Variants in ANO4 observed in about 807,000 individuals in gnomAD.
The protein encoded by ANO4 is anoctamin-4.
In ANO4, 69 loss-of-function variants were observed where a neutral mutation model predicts 141.9. The observed-to-expected ratio is 0.49, with a 90% confidence interval of 0.40 to 0.59. The LOEUF is 0.59. Ranked by LOEUF, ANO4 falls within the 20% of genes least tolerant of loss-of-function variation. The pLI, the probability that ANO4 is intolerant of heterozygous loss-of-function variation, is 0.00. For synonymous variants in ANO4, 350 were observed against 394.3 expected (o/e 0.89, Z 1.33); for missense variants, 894 against 1,162.2 (o/e 0.77, Z 3.36).
chr12:100,793,437 G>A (rs1593341953), upstream of ANO4, among the ~76,000 whole-genome samples: 1 of 152,186 alleles, frequency 6.6e-6, no homozygotes, highest in South Asian at 2.1e-4. Flanking sequence ...TTCCTTTTAA[G>A]CTGTGGTATT....
At chr12:101,041,886 T>C (rs2047424082) in intron 11 of ANO4, among the ~76,000 whole-genome samples, 1 of 152,122 alleles carries the variant, frequency 6.6e-6, no homozygotes, top group African/African-American at 2.4e-5. Context: ...AAGCCTTGAG[T>C]AGAATGAAAG....
intron 3 of ANO4, among the ~76,000 whole-genome samples, chr12:100,742,977 A>C (rs2135475909): frequency 6.6e-6 from 1 of 152,274 alleles, no homozygotes; most frequent in East Asian, 1.9e-4. Context: ...TCCAGTGTCC[A>C]GCTTGGTCCA....
chr12:100,796,251 CTGAACT>C (rs1373118206), intron 1 of ANO4, among the ~76,000 whole-genome samples: 1 of 152,100 alleles, frequency 6.6e-6, no homozygotes, highest in East Asian at 1.9e-4. Context: ...TCATAAGGTA[CTGAACT>C]AATACAATGT....
intron 5 of ANO4, among the ~76,000 whole-genome samples, chr12:100,959,029 AC>A (rs1262795896): frequency 7.9e-5 from 12 of 152,118 alleles, no homozygotes; most frequent in African/African-American, 2.4e-4. Flanking sequence ...GAGTTGGCCC[AC>A]TGTTACTTCA....
intron 21 of ANO4, 139 bp downstream of exon 21, chr12:101,098,084 A>C (rs1197622841): frequency 1.2e-5 from 8 of 694,764 alleles, no homozygotes; most frequent in East Asian, 1.1e-4. Flanking sequence ...ACATTTAGAC[A>C]TCCAAAGGCA....
chr12:100,732,245 A>G (rs2031409452), intron 1 of ANO4, among the ~76,000 whole-genome samples: 1 of 152,138 alleles, frequency 6.6e-6, no homozygotes, highest in African/African-American at 2.4e-5. Flanking sequence ...TGGTCTTGTC[A>G]GTGTTCCAGA....
intron 1 of ANO4, among the ~76,000 whole-genome samples, chr12:100,837,051 G>A (rs4764756): frequency 0.39 from 59,324 of 152,038 alleles, 11,777 homozygotes; most frequent in Admixed American, 0.46. Flanking sequence ...TAGGTAGGTT[G>A]AAGAAATGAT....
At chr12:100,857,658 TC>T (rs1400777382) in intron 1 of ANO4, among the ~76,000 whole-genome samples, 1 of 152,150 alleles carries the variant, frequency 6.6e-6, no homozygotes, top group East Asian at 1.9e-4. Flanking sequence ...AACAATGACA[TC>T]ATTAAATTAT....
chr12:100,895,657 G>C (rs1393332799), intron 1 of ANO4, among the ~76,000 whole-genome samples: 3 of 150,978 alleles, frequency 2.0e-5, no homozygotes, highest in Non-Finnish European at 4.4e-5. Context: ...CGCCTCTTGG[G>C]TTCAAGCGAT....
chr12:100,960,114 C>T (rs1029363609), intron 5 of ANO4, among the ~76,000 whole-genome samples: 2 of 152,180 alleles, frequency 1.3e-5, no homozygotes, highest in East Asian at 3.9e-4. Flanking sequence ...TGATATGGCT[C>T]CTGCCTACCC....
chr12:101,027,226 C>G (rs1194806266), intron 9 of ANO4, among the ~76,000 whole-genome samples: 1 of 152,158 alleles, frequency 6.6e-6, no homozygotes, highest in Non-Finnish European at 1.5e-5. Flanking sequence ...CTGTGCAACC[C>G]ACGGATTAGA....
At chr12:101,103,546 G>C (rs572351177) in intron 22 of ANO4, among the ~76,000 whole-genome samples, 1 of 151,382 alleles carries the variant, frequency 6.6e-6, no homozygotes, top group African/African-American at 2.4e-5. Context: ...ATTATTTTTT[G>C]TTGTTAAAAA....
At chr12:100,795,659 T>C (rs1199426625) in intron 1 of ANO4, among the ~76,000 whole-genome samples, 1 of 152,144 alleles carries the variant, frequency 6.6e-6, no homozygotes, top group Non-Finnish European at 1.5e-5. Context: ...AGTCTCAGGG[T>C]ACCCAGTTCT....
At chr12:101,122,580 C>A (rs533194941) in intron 26 of ANO4, among the ~76,000 whole-genome samples, 47 of 152,124 alleles carry the variant, frequency 3.1e-4, no homozygotes, top group Non-Finnish European at 6.2e-4. Context: ...AGGTAGAAGT[C>A]CAGTTTCATT....
intron 3 of ANO4, among the ~76,000 whole-genome samples, chr12:100,784,812 C>G (rs2033814475): frequency 6.6e-6 from 1 of 152,190 alleles, no homozygotes; most frequent in South Asian, 2.1e-4. Context: ...CCCTAACATT[C>G]ATGTTTGGAT....
At chr12:101,042,548 TG>T in intron 12 of ANO4, 80 bp downstream of exon 12, 2 of 1,556,416 alleles carry the variant, frequency 1.3e-6, no homozygotes, top group Non-Finnish European at 1.8e-6. Flanking sequence ...ATTCACAGAT[TG>T]TGGAGACATT....
At chr12:101,103,179 CATTTTATATATATATAT>C (rs1202746544) in intron 22 of ANO4, among the ~76,000 whole-genome samples, 9 of 70,274 alleles carry the variant, frequency 1.3e-4, no homozygotes, top group African/African-American at 6.1e-4. Context: ...CCTTTTTAGT[CATTTTATATATATATAT>C]ATATATATAT....
chr12:100,785,653 G>A (rs956693084), intron 3 of ANO4, among the ~76,000 whole-genome samples: 16 of 152,118 alleles, frequency 1.1e-4, no homozygotes, highest in Admixed American at 2.0e-4. Context: ...TCTACAGAAG[G>A]ACATCTTGGT....
At chr12:100,842,361 C>G (rs150577279) in intron 1 of ANO4, 31 of 151,854 alleles carry the variant, frequency 2.0e-4, no homozygotes, top group African/African-American at 6.5e-4. Context: ...TCTCTGGAAG[C>G]CTGCTCTTTT....
Sources: allele counts gnomAD v4.1 joint callset (sites outside exome capture counted in the v4.1 genomes callset), GRCh38; gene constraint gnomAD v4.1.1; transcripts MANE v1.5; gene names NCBI Gene and HGNC (gene_info 2026-07-23, HGNC 2026-07-21).